EPB41L4B: variants seen among roughly 807,000 people sequenced by gnomAD.
The protein encoded by EPB41L4B is band 4.1-like protein 4B.
In EPB41L4B, 30 loss-of-function variants were observed where a neutral mutation model predicts 112.5. That is an observed-to-expected ratio of 0.27 (90% CI 0.20 to 0.36). The LOEUF is 0.36. EPB41L4B is among the 10% of genes least tolerant of loss of function. The pLI is 1.00. For synonymous variants in EPB41L4B, 408 were observed against 439.7 expected, an observed-to-expected ratio of 0.93 and a Z score of 0.90; for missense variants, 1,024 against 1,133.3, an observed-to-expected ratio of 0.90 and a Z score of 1.38.
chr9:109,236,092 C>T (rs1834131815), intron 15 of EPB41L4B, among the ~76,000 whole-genome samples: 4 of 152,208 alleles, frequency 2.6e-5, no homozygotes. Flanking sequence ...TTTACTTCTG[C>T]AAACTTCCAT....
chr9:109,218,097 G>C (rs1417800753), intron 15 of EPB41L4B, among the ~76,000 whole-genome samples: 1 of 148,358 alleles, frequency 6.7e-6, no homozygotes, highest in South Asian at 2.2e-4. Context: ...TCTTCAAGGA[G>C]CTTGAATATA....
intron 4 of EPB41L4B, 26 bp downstream of exon 4, chr9:109,267,447 G>T (rs199834334): frequency 2.6e-6 from 4 of 1,537,638 alleles, no homozygotes; most frequent in Admixed American, 3.4e-5. Flanking sequence ...CTGCTGGGCG[G>T]GAGCTTGTTC....
At chr9:109,245,950 C>T (rs1834538903) in intron 14 of EPB41L4B, among the ~76,000 whole-genome samples, 1 of 152,252 alleles carries the variant, frequency 6.6e-6, no homozygotes, top group Non-Finnish European at 1.5e-5. Context: ...ACACTACAGG[C>T]TATGCGGAGA....
At chr9:109,313,524 AGAGTC>A (rs1588241480) in intron 1 of EPB41L4B, among the ~76,000 whole-genome samples, 1 of 152,204 alleles carries the variant, frequency 6.6e-6, no homozygotes, top group East Asian at 1.9e-4. Flanking sequence ...TGGGCTGGCG[AGAGTC>A]GAGACTGCCC....
chr9:109,196,560 A>G (rs1204562962), intron 20 of EPB41L4B, among the ~76,000 whole-genome samples: 1 of 152,004 alleles, frequency 6.6e-6, no homozygotes, highest in Non-Finnish European at 1.5e-5. Context: ...TCTACAAAAA[A>G]TACAAAAATT....
intron 1 of EPB41L4B, among the ~76,000 whole-genome samples, chr9:109,281,021 G>A (rs1186776730): frequency 2.0e-5 from 3 of 151,752 alleles, no homozygotes; most frequent in East Asian, 3.9e-4. Context: ...TAAAACACAG[G>A]CATAAAGCCT....
intron 15 of EPB41L4B, among the ~76,000 whole-genome samples, chr9:109,232,628 T>G (rs549953370): frequency 1.3e-4 from 20 of 152,310 alleles, no homozygotes; most frequent in Non-Finnish European, 2.4e-4. Flanking sequence ...ACTGAATGAA[T>G]GAAATTAAAA....
intron 24 of EPB41L4B, among the ~76,000 whole-genome samples, chr9:109,181,583 TCTC>T (rs1374166120): frequency 6.6e-6 from 1 of 152,148 alleles, no homozygotes; most frequent in Non-Finnish European, 1.5e-5. Flanking sequence ...ATGCCTGTAA[TCTC>T]AGCACATTGG....
chr9:109,241,587 C>T (rs1834354543), intron 15 of EPB41L4B: 1 of 1,592,770 alleles, frequency 6.3e-7, no homozygotes, highest in Admixed American at 1.7e-5. Context: ...CACATCCATC[C>T]ATCTGAGGCC....
intron 1 of EPB41L4B, chr9:109,301,200 CAGA>C (rs887308120): frequency 6.6e-6 from 1 of 152,230 alleles, no homozygotes; most frequent in Non-Finnish European, 1.5e-5. Context: ...GCTGACTTCT[CAGA>C]AGGAGGAATC....
At chr9:109,275,908 C>A (rs1835796742) in intron 2 of EPB41L4B, among the ~76,000 whole-genome samples, 1 of 151,950 alleles carries the variant, frequency 6.6e-6, no homozygotes, top group Non-Finnish European at 1.5e-5. Context: ...AAAGATTTGA[C>A]AAATGCCTCT....
chr9:109,226,717 A>T (rs1833784458), intron 15 of EPB41L4B, among the ~76,000 whole-genome samples: 1 of 139,676 alleles, frequency 7.2e-6, no homozygotes, highest in African/African-American at 2.6e-5. Flanking sequence ...TGAAGAATAT[A>T]TATATGAAGT....
intron 15 of EPB41L4B, among the ~76,000 whole-genome samples, chr9:109,227,263 CT>C (rs887223118): frequency 3.3e-4 from 50 of 151,942 alleles, no homozygotes; most frequent in Non-Finnish European, 1.6e-4. Flanking sequence ...CATTCTTTTT[CT>C]TTTTTTTCTT....
intron 20 of EPB41L4B, 27 bp downstream of exon 20, chr9:109,200,209 T>C (rs371552571): frequency 2.3e-5 from 36 of 1,571,198 alleles, no homozygotes; most frequent in East Asian, 2.2e-4. Context: ...GTTGTTTTAA[T>C]TGAAAAAGTT....
At chr9:109,279,657 G>A (rs143660126) in intron 2 of EPB41L4B, among the ~76,000 whole-genome samples, 160 bp downstream of exon 2, 54 of 152,296 alleles carry the variant, frequency 3.5e-4, no homozygotes, top group Non-Finnish European at 6.8e-4. Flanking sequence ...GCATTGTGAC[G>A]CATGGCACTT....
At chr9:109,307,144 C>A in intron 1 of EPB41L4B, 1 of 384,114 alleles carries the variant, frequency 2.6e-6, no homozygotes, top group Non-Finnish European at 5.1e-6. Flanking sequence ...TTCCCTGAAG[C>A]GAGTTAATAA....
intron 17 of EPB41L4B, among the ~76,000 whole-genome samples, chr9:109,209,184 T>A (rs925966126): frequency 2.0e-4 from 30 of 152,220 alleles, no homozygotes; most frequent in African/African-American, 7.0e-4. Context: ...AGAGGAAGTA[T>A]AGAGCAACTG....
At chr9:109,302,243 AC>A (rs1836997210) in intron 1 of EPB41L4B, among the ~76,000 whole-genome samples, 1 of 152,150 alleles carries the variant, frequency 6.6e-6, no homozygotes, top group Non-Finnish European at 1.5e-5. Flanking sequence ...TTCTGTGTAC[AC>A]AGCGGGTCCT....
chr9:109,294,701 T>A (rs983684240), intron 1 of EPB41L4B, among the ~76,000 whole-genome samples: 1 of 151,956 alleles, frequency 6.6e-6, no homozygotes, highest in Non-Finnish European at 1.5e-5. Flanking sequence ...TGTGTGTGTG[T>A]GTGTGTATAA....
Sources: gnomAD v4.1 joint callset for allele counts (sites outside exome capture counted in the v4.1 genomes callset) on GRCh38, gnomAD v4.1.1 for gene constraint, MANE v1.5 for transcripts, NCBI Gene and HGNC (gene_info 2026-07-23, HGNC 2026-07-21) for gene names.